The following HDAC9 variants were observed in gnomAD, a reference collection of about 807,000 sequenced individuals.
The protein encoded by HDAC9 is histone deacetylase 9.
Under a neutral mutation model 139.4 loss-of-function variants are expected in HDAC9, and 41 were observed. The ratio of observed to expected loss-of-function variants is 0.29; its 90% CI spans 0.23 to 0.38. HDAC9 has a LOEUF of 0.38. HDAC9 is among the 10% of genes least tolerant of loss of function. HDAC9 has a pLI of 1.00. For synonymous variants in HDAC9, 517 were observed against 476.2 expected, an observed-to-expected ratio of 1.09 and a Z score of -1.12; for missense variants, 1,147 against 1,297.0, an observed-to-expected ratio of 0.88 and a Z score of 1.78.
intron 2 of HDAC9, among the ~76,000 whole-genome samples, chr7:18,233,809 G>A (rs758942404): frequency 2.6e-5 from 4 of 152,078 alleles, no homozygotes; most frequent in Non-Finnish European, 5.9e-5. Flanking sequence ...CAGTTACTAA[G>A]TTTGCTAGTA....
At chr7:18,179,988 T>C (rs1412115729) in intron 2 of HDAC9, among the ~76,000 whole-genome samples, 1 of 152,170 alleles carries the variant, frequency 6.6e-6, no homozygotes, top group African/African-American at 2.4e-5. Context: ...ACTGATGAGA[T>C]TGAGGCCTAA....
chr7:18,634,946 T>A (rs1335840036), intron 8 of HDAC9, among the ~76,000 whole-genome samples: 1 of 152,120 alleles, frequency 6.6e-6, no homozygotes, highest in Non-Finnish European at 1.5e-5. Context: ...AGAAATGAAC[T>A]GATATTTATT....
At chr7:18,396,028 T>C (rs369832562) in intron 1 of HDAC9, among the ~76,000 whole-genome samples, 9 of 151,844 alleles carry the variant, frequency 5.9e-5, no homozygotes, top group East Asian at 1.9e-4. Context: ...CCAGTCTTTT[T>C]ATATGGTTTC....
intron 22 of HDAC9, among the ~76,000 whole-genome samples, chr7:18,894,223 G>T (rs1800962504): frequency 6.6e-6 from 1 of 152,112 alleles, no homozygotes; most frequent in African/African-American, 2.4e-5. Context: ...GTTGTTATCA[G>T]CATATAGACG....
chr7:18,938,358 G>C (rs1781796305), intron 23 of HDAC9, among the ~76,000 whole-genome samples: 2 of 152,206 alleles, frequency 1.3e-5, no homozygotes, highest in East Asian at 1.9e-4. Flanking sequence ...CACTTTGGGA[G>C]GCCGAGGCGG....
At chr7:18,235,904 G>T (rs1793782176) in intron 2 of HDAC9, among the ~76,000 whole-genome samples, 1 of 152,190 alleles carries the variant, frequency 6.6e-6, no homozygotes, top group Non-Finnish European at 1.5e-5. Flanking sequence ...TGTGTACAAT[G>T]CTAAGATACT....
intron 2 of HDAC9, among the ~76,000 whole-genome samples, chr7:18,187,689 C>T (rs1166459422): frequency 1.3e-5 from 2 of 152,184 alleles, no homozygotes; most frequent in Admixed American, 1.3e-4. Context: ...CCCCTCCATT[C>T]AGCCTAATCC....
intron 22 of HDAC9, among the ~76,000 whole-genome samples, chr7:18,882,171 G>A (rs1029459070): frequency 6.6e-6 from 1 of 152,026 alleles, no homozygotes; most frequent in African/African-American, 2.4e-5. Context: ...TATATTCGAT[G>A]TTTCTTGAAA....
chr7:18,556,492 A>G (rs900062036), intron 2 of HDAC9, among the ~76,000 whole-genome samples: 3 of 152,054 alleles, frequency 2.0e-5, no homozygotes, highest in African/African-American at 2.4e-5. Flanking sequence ...CTTTTACGAT[A>G]GCAGTATCCT....
chr7:18,759,953 G>A (rs1414859094), intron 14 of HDAC9, among the ~76,000 whole-genome samples: 2 of 152,140 alleles, frequency 1.3e-5, no homozygotes, highest in East Asian at 1.9e-4. Flanking sequence ...TTAATTTATA[G>A]ATGAAACGAA....
intron 2 of HDAC9, among the ~76,000 whole-genome samples, chr7:18,255,626 C>G (rs562429419): frequency 1.8e-5 from 2 of 113,608 alleles, no homozygotes; most frequent in Non-Finnish European, 1.7e-5. Context: ...TTTTTCTTTC[C>G]TTTTTTTTTT....
chr7:18,705,967 T>G, intron 12 of HDAC9, among the ~76,000 whole-genome samples: 1 of 151,878 alleles, frequency 6.6e-6, no homozygotes, highest in East Asian at 1.9e-4. Flanking sequence ...ATTAATCCTG[T>G]AGTGGAAAGG....
intron 1 of HDAC9, among the ~76,000 whole-genome samples, chr7:18,110,604 G>T (rs1435270603): frequency 6.6e-6 from 1 of 152,188 alleles, no homozygotes; most frequent in East Asian, 1.9e-4. Context: ...ATAAAGGGCT[G>T]TGTAAGTGCT....
At chr7:18,111,343 A>G (rs958725768) in intron 1 of HDAC9, among the ~76,000 whole-genome samples, 1 of 152,218 alleles carries the variant, frequency 6.6e-6, no homozygotes, top group Non-Finnish European at 1.5e-5. Context: ...GATTGCCCAG[A>G]CTAGGTTTGC....
intron 1 of HDAC9, among the ~76,000 whole-genome samples, chr7:18,356,784 C>G (rs1022564603): frequency 5.3e-5 from 8 of 152,070 alleles, no homozygotes; most frequent in African/African-American, 1.9e-4. Context: ...AAGAATCCGG[C>G]TATGCCAAAA....
chr7:18,498,187 A>C (rs907045961), intron 2 of HDAC9, among the ~76,000 whole-genome samples: 1 of 152,152 alleles, frequency 6.6e-6, no homozygotes, highest in Non-Finnish European at 1.5e-5. Context: ...GTGAAGCATA[A>C]AAACAATTAC....
At chr7:18,683,280 T>G (rs919555041) in intron 12 of HDAC9, among the ~76,000 whole-genome samples, 1 of 149,472 alleles carries the variant, frequency 6.7e-6, no homozygotes, top group Admixed American at 6.6e-5. Flanking sequence ...CCTAAAATTC[T>G]AAATGAAAAA....
At chr7:18,206,595 C>T (rs1439639691) in intron 2 of HDAC9, among the ~76,000 whole-genome samples, 1 of 152,034 alleles carries the variant, frequency 6.6e-6, no homozygotes. Flanking sequence ...CAGAGAAATT[C>T]AGCCTTTCAA....
intron 17 of HDAC9, among the ~76,000 whole-genome samples, chr7:18,812,049 A>C (rs1794216377): frequency 6.6e-6 from 1 of 151,894 alleles, no homozygotes; most frequent in African/African-American, 2.4e-5. Flanking sequence ...ATCATACTTA[A>C]TATAATGTAA....
Sources: allele counts gnomAD v4.1 joint callset (sites outside exome capture counted in the v4.1 genomes callset), GRCh38; gene constraint gnomAD v4.1.1; transcripts MANE v1.5; gene names NCBI Gene and HGNC (gene_info 2026-07-23, HGNC 2026-07-21).